NOX4: variants seen among roughly 807,000 people sequenced by gnomAD.
The protein encoded by NOX4 is kidney oxidase-1.
A neutral mutation model predicts 87.6 loss-of-function variants in NOX4; 69 were observed. That is an observed-to-expected ratio of 0.79 (90% CI 0.65 to 0.96). NOX4 has a LOEUF of 0.96. Among genes scored for constraint, NOX4 ranks in the 40% least tolerant of loss-of-function variants. The probability of loss-of-function intolerance (pLI) is 0.00; values close to 1 mark genes in which losing one functional copy is unlikely to be tolerated. For missense variants in NOX4, 680 were observed against 681.5 expected (o/e 1.00, Z 0.02); for synonymous variants, 275 against 238.2 (o/e 1.15, Z -1.42).
the NOX4 span, among the ~76,000 whole-genome samples, chr11:89,553,410 T>G: frequency 6.6e-6 from 1 of 152,156 alleles, no homozygotes; most frequent in Non-Finnish European, 1.5e-5. Context: ...ATCGTAAGTT[T>G]CCTGAGGCCT....
chr11:89,493,811 G>A (rs967993370), upstream of NOX4, among the ~76,000 whole-genome samples: 4 of 151,330 alleles, frequency 2.6e-5, no homozygotes, highest in African/African-American at 9.7e-5. Context: ...GTGCAATGTC[G>A]TAATCTCGGC....
At chr11:89,572,798 G>A in the NOX4 span, among the ~76,000 whole-genome samples, 1 of 151,690 alleles carries the variant, frequency 6.6e-6, no homozygotes, top group Non-Finnish European at 1.5e-5. Context: ...GTGTAAAATC[G>A]AGTTTCGTTT....
chr11:89,340,332 G>A (rs1200002920), intron 14 of NOX4, among the ~76,000 whole-genome samples, 161 bp from the exon 15 acceptor site: 1 of 152,152 alleles, frequency 6.6e-6, no homozygotes, highest in Non-Finnish European at 1.5e-5. Context: ...GCGTCTGATA[G>A]CACGAGACCT....
At chr11:89,554,163 G>C in the NOX4 span, among the ~76,000 whole-genome samples, 1 of 151,996 alleles carries the variant, frequency 6.6e-6, no homozygotes, top group East Asian at 1.9e-4. Context: ...AAATAAAAGG[G>C]GGGGAGGGGA....
At chr11:89,438,905 A>AT (rs1944317802) in intron 6 of NOX4, among the ~76,000 whole-genome samples, 5 of 49,332 alleles carry the variant, frequency 1.0e-4, no homozygotes, top group Non-Finnish European at 1.4e-4. Context: ...TTATATATAT[A>AT]ATATATAATA....
chr11:89,568,494 A>G, the NOX4 span, among the ~76,000 whole-genome samples: 143 of 152,326 alleles, frequency 9.4e-4, no homozygotes, highest in African/African-American at 3.2e-3. Context: ...AAAGATCTCT[A>G]CAATAAGAAT....
the NOX4 span, among the ~76,000 whole-genome samples, chr11:89,521,070 G>A: frequency 2.6e-5 from 4 of 152,050 alleles, no homozygotes; most frequent in Admixed American, 6.6e-5. Context: ...AACATTTCAT[G>A]CCCATAGATT....
the NOX4 span, among the ~76,000 whole-genome samples, chr11:89,524,734 CAT>C: frequency 6.6e-6 from 1 of 151,928 alleles, no homozygotes. Flanking sequence ...ATTGCATGTA[CAT>C]GTTTTGATAT....
intron 16 of NOX4, 47 bp downstream of exon 16, chr11:89,337,400 C>A (rs528314956): frequency 6.2e-7 from 1 of 1,608,772 alleles, no homozygotes; most frequent in Non-Finnish European, 8.5e-7. Context: ...TACAGTAAAT[C>A]TATTATCAAG....
intron 7 of NOX4, among the ~76,000 whole-genome samples, chr11:89,423,783 G>A (rs1242444864): frequency 6.6e-6 from 1 of 152,046 alleles, no homozygotes; most frequent in Non-Finnish European, 1.5e-5. Context: ...GGTCAGGCAT[G>A]GTGGCTAATG....
At chr11:89,415,504 G>T (rs1208899796) in intron 8 of NOX4, among the ~76,000 whole-genome samples, 1 of 151,984 alleles carries the variant, frequency 6.6e-6, no homozygotes, top group South Asian at 2.1e-4. Flanking sequence ...TTTTTGAAAC[G>T]TTTTTGACCA....
rs150512697 is a variant in NOX4 at position 89,402,602 on chromosome 11, C to T, written c.630-60G>A. On this transcript the variant is annotated intron_variant, in intron 8 of 17. Coordinates refer to ENST00000263317, the MANE Select transcript of NOX4 (RefSeq NM_016931.5). ...TGAAAAGATTTGAGATCAGGGGACA[C>T]GGTAAAAGAAAATAATGTTTTTGTT... is the stretch of plus-strand genomic sequence containing the variant. The T allele has an allele frequency of 3.1e-3, 3,886 of 1,266,642 alleles. 88 individuals carry two copies. The African/African-American group carries it at 0.052, about 17-fold the overall frequency. The allele number at this position is 1,266,642 out of a possible 1,614,324, so 78.5% of individuals were successfully genotyped here.
At chr11:89,438,865 T>C (rs1161664722) in intron 6 of NOX4, among the ~76,000 whole-genome samples, 13 of 22,884 alleles carry the variant, frequency 5.7e-4, no homozygotes, top group Non-Finnish European at 1.4e-3. Context: ...ATATTATATA[T>C]TATATATATA....
chr11:89,467,933 G>A (rs1310598100), intron 2 of NOX4, among the ~76,000 whole-genome samples: 1 of 152,166 alleles, frequency 6.6e-6, no homozygotes, highest in Non-Finnish European at 1.5e-5. Flanking sequence ...TTTTGTTAGT[G>A]ACAAGGACTA....
the NOX4 span, among the ~76,000 whole-genome samples, chr11:89,572,699 C>CT: frequency 6.6e-6 from 1 of 151,964 alleles, no homozygotes; most frequent in Admixed American, 6.6e-5. Flanking sequence ...ACAGGAGCAT[C>CT]TTTTTTCCCG....
At chr11:89,578,307 G>T in the NOX4 span, among the ~76,000 whole-genome samples, 6,360 of 151,912 alleles carry the variant, frequency 0.042, 434 homozygotes, top group African/African-American at 0.14. Flanking sequence ...GACTACAGGT[G>T]CATGCCACCA....
At chr11:89,493,078 CT>C (rs1408086815), upstream of NOX4, among the ~76,000 whole-genome samples, 1 of 152,190 alleles carries the variant, frequency 6.6e-6, no homozygotes, top group African/African-American at 2.4e-5. Context: ...CGTGTTAGCA[CT>C]CTCACTTTAA....
At chr11:89,540,704 T>C in the NOX4 span, among the ~76,000 whole-genome samples, 53,723 of 145,546 alleles carry the variant, frequency 0.37, 10,042 homozygotes, top group African/African-American at 0.42. Context: ...AGGAGAATGG[T>C]GTGAACGCGG....
chr11:89,584,188 T>G, the NOX4 span, among the ~76,000 whole-genome samples: 5 of 152,146 alleles, frequency 3.3e-5, no homozygotes, highest in Non-Finnish European at 7.4e-5. Flanking sequence ...CTTATTACTT[T>G]GCAATAAGAG....
Sources: allele counts gnomAD v4.1 joint callset (sites outside exome capture counted in the v4.1 genomes callset), GRCh38; gene constraint gnomAD v4.1.1; transcripts MANE v1.5; gene names NCBI Gene and HGNC (gene_info 2026-07-23, HGNC 2026-07-21).